PIEZO2: variants seen among roughly 807,000 people sequenced by gnomAD.
PIEZO2 encodes the protein piezo-type mechanosensitive ion channel component 2.
PIEZO2 carries 172 observed loss-of-function variants against 337.3 expected under a neutral mutation model. That is an observed-to-expected ratio of 0.51 (90% CI 0.45 to 0.58). The LOEUF is 0.58. Ranked by LOEUF, PIEZO2 falls within the 20% of genes least tolerant of loss-of-function variation. The pLI is 0.00. For synonymous variants in PIEZO2, 1,251 were observed against 1,228.5 expected (o/e 1.02, Z -0.38); for missense variants, 3,028 against 3,391.3 (o/e 0.89, Z 2.66).
chr18:11,006,056 C>T (rs1032852521), intron 2 of PIEZO2, among the ~76,000 whole-genome samples: 1 of 152,148 alleles, frequency 6.6e-6, no homozygotes, highest in African/African-American at 2.4e-5. Context: ...TCTTACATGC[C>T]TGTCTCTTTC....
chr18:11,076,435 A>G (rs1286751734), intron 1 of PIEZO2, among the ~76,000 whole-genome samples: 2 of 152,176 alleles, frequency 1.3e-5, no homozygotes, highest in Non-Finnish European at 2.9e-5. Context: ...AATCCAGTAA[A>G]ACCATCTTAT....
At chr18:10,786,232 T>C (rs1041744252) in intron 16 of PIEZO2, among the ~76,000 whole-genome samples, 4 of 152,360 alleles carry the variant, frequency 2.6e-5, no homozygotes, top group East Asian at 1.9e-4. Context: ...CAAAGTATAA[T>C]AGACTTATTT....
intron 3 of PIEZO2, among the ~76,000 whole-genome samples, chr18:10,972,059 G>A (rs1023336736): frequency 6.6e-6 from 1 of 151,790 alleles, no homozygotes; most frequent in Non-Finnish European, 1.5e-5. Flanking sequence ...TTGGGAGGCC[G>A]AGGTGGGTAG....
chr18:10,891,856 A>G (rs1257872926), intron 4 of PIEZO2, among the ~76,000 whole-genome samples: 3 of 152,234 alleles, frequency 2.0e-5, no homozygotes, highest in Non-Finnish European at 4.4e-5. Flanking sequence ...AATAAAATAA[A>G]TGAAAATATA....
At chr18:10,930,945 C>A (rs1434143302) in intron 3 of PIEZO2, among the ~76,000 whole-genome samples, 1 of 152,100 alleles carries the variant, frequency 6.6e-6, no homozygotes, top group Non-Finnish European at 1.5e-5. Flanking sequence ...CTTGGTTTTT[C>A]TAAGCCTTTT....
intron 3 of PIEZO2, among the ~76,000 whole-genome samples, chr18:10,972,289 T>TA (rs2034274676): frequency 6.6e-6 from 1 of 152,116 alleles, no homozygotes; most frequent in African/African-American, 2.4e-5. Context: ...CTCTTTCTTC[T>TA]AAAGTTCTAC....
intron 4 of PIEZO2, among the ~76,000 whole-genome samples, chr18:10,889,892 C>T (rs866669929): frequency 6.6e-6 from 1 of 152,198 alleles, no homozygotes; most frequent in South Asian, 2.1e-4. Context: ...TTTCCAGGGG[C>T]TCCCCATCGG....
chr18:10,933,894 G>T (rs576945558), intron 3 of PIEZO2, among the ~76,000 whole-genome samples: 7 of 152,192 alleles, frequency 4.6e-5, no homozygotes, highest in Non-Finnish European at 8.8e-5. Flanking sequence ...GCTCCCTCTT[G>T]CCTGCTGCCA....
rs1252625882 is a variant in PIEZO2, at chr18:10,672,657, C to CTT, written c.8345+31_8345+32dup. The CTT allele has an allele frequency of 1.9e-6, 3 of 1,596,962 alleles. No individual in the cohort carries two copies. Among genetic ancestry groups the CTT allele is most frequent in the Non-Finnish European group, 2.6e-6 (3 of 1,174,018 alleles). On this transcript the variant is annotated intron_variant, in intron 55 of 55. Transcript: ENST00000674853. The surrounding 1 kb of genome is among the most constrained non-coding windows in gnomAD (Gnocchi z 4.7). Reference sequence around the variant, plus strand: ...ACTTTACATGATACAGAAGTAGACTCTTGTAACTGTGAATTGTTCAATGAG... The same window carrying CTT: ...ACTTTACATGATACAGAAGTAGACTCTTTTGTAACTGTGAATTGTTCAATGAG...
chr18:10,735,133 G>C (rs1175371402), intron 35 of PIEZO2, among the ~76,000 whole-genome samples, 99 bp downstream of exon 35: 1 of 152,002 alleles, frequency 6.6e-6, no homozygotes, highest in African/African-American at 2.4e-5. Context: ...ACCATCTATA[G>C]AACCGAGAAA....
Position 10,778,323 on chromosome 18 carries a change from G to T in PIEZO2, c.2534+2002C>A, listed in dbSNP as rs541052427. 5.4e-5 allele frequency among the ~76,000 whole-genome samples: 8 copies of T among 148,508 alleles called. No homozygotes were observed. The South Asian group carries it at 1.7e-3, about 32-fold the overall frequency. Reference sequence around the variant, plus strand: ...TTGATAACGTTTCCTTTGAGGCACAGCTCTGGCTGCTCTTTTTTTTTTTTT... The same window carrying T: ...TTGATAACGTTTCCTTTGAGGCACATCTCTGGCTGCTCTTTTTTTTTTTTT... On this transcript the variant is annotated intron_variant, in intron 18 of 55. Coordinates refer to ENST00000674853, the MANE Select transcript of PIEZO2 (RefSeq NM_001378183.1).
In PIEZO2 at chr18:10,775,919, GA is replaced by G. The variant is rs11310497; in HGVS notation, c.2535-1882del. Among the ~76,000 whole-genome samples, 125,300 of 150,216 alleles carry G rather than the reference GA, an allele frequency of 0.83. 52,223 individuals are homozygous for G. The highest frequency in any genetic ancestry group is 0.93 in the East Asian group (4,760 of 5,122). On this transcript the variant is annotated intron_variant, in intron 18 of 55. Coordinates refer to ENST00000674853, the MANE Select transcript of PIEZO2 (RefSeq NM_001378183.1). This position sits in a 1 kb window ranked among gnomAD's most constrained non-coding sequence, Gnocchi z 4.3. ...GAGCTTGTAATGGATGACAAAAAAA[GA>G]AAAAAAAAAAGAAATTATGTATCAG...
chr18:10,899,604 C>T lies in PIEZO2; in HGVS notation c.329+11582G>A, dbSNP rs1441626386. Among the ~76,000 whole-genome samples the T allele has an allele frequency of 6.6e-6, 1 of 152,178 alleles. No individual in the cohort carries two copies. Among genetic ancestry groups the T allele is most frequent in the Non-Finnish European group, 1.5e-5 (1 of 68,038 alleles). ...GAACAAATAAGAAATATGAAGCCTT[C>T]TCTTGTAGCTGCCTATTAGCACAAT... On this transcript the variant is annotated intron_variant, in intron 4 of 55. Transcript: ENST00000674853. This position sits in a 1 kb window ranked among gnomAD's most constrained non-coding sequence, Gnocchi z 4.6.
At chr18:11,015,631 G>C (rs2036090521) in intron 2 of PIEZO2, among the ~76,000 whole-genome samples, 1 of 152,076 alleles carries the variant, frequency 6.6e-6, no homozygotes, top group Non-Finnish European at 1.5e-5. Context: ...AATCTAAAGG[G>C]GTGGGCCCCT....
intron 36 of PIEZO2, among the ~76,000 whole-genome samples, chr18:10,730,482 CTTTA>C (rs1388898956): frequency 6.6e-6 from 1 of 152,154 alleles, no homozygotes; most frequent in African/African-American, 2.4e-5. Flanking sequence ...GAATACTCAT[CTTTA>C]GTCTGATATA....
At position 10,855,628 on chromosome 18, in the gene PIEZO2, G is replaced by T; in HGVS notation, c.704-62C>A. ...ACTGGAAATTCACTTATCATTCAGT[G>T]AATGTGACTATTTGAAATTATGTGA... On this transcript the variant is annotated intron_variant, in intron 6 of 55. Transcript: ENST00000674853. This position sits in a 1 kb window ranked among gnomAD's most constrained non-coding sequence, Gnocchi z 4.9. 1 of 1,255,296 alleles carries T rather than the reference G, an allele frequency of 8.0e-7. No individual in the cohort carries two copies. The allele number at this position is 1,255,296 out of a possible 1,614,324, so 77.8% of individuals were successfully genotyped here.
intron 7 of PIEZO2, among the ~76,000 whole-genome samples, chr18:10,836,971 G>A (rs1449725576): frequency 2.0e-5 from 3 of 152,154 alleles, no homozygotes; most frequent in African/African-American, 4.8e-5. Flanking sequence ...TCAAAGGAAG[G>A]GGAAGGGCCA....
intron 2 of PIEZO2, among the ~76,000 whole-genome samples, chr18:11,026,828 A>G (rs2036557805): frequency 6.6e-6 from 1 of 152,198 alleles, no homozygotes; most frequent in Non-Finnish European, 1.5e-5. Flanking sequence ...GGATTAGAAC[A>G]TGGACCAGAT....
At chr18:10,735,816 G>A (rs938143758) in intron 34 of PIEZO2, among the ~76,000 whole-genome samples, 2 of 152,268 alleles carry the variant, frequency 1.3e-5, no homozygotes, top group East Asian at 1.9e-4. Flanking sequence ...AAAAACTGAC[G>A]AAGGCCTTAT....
Sources: gnomAD v4.1 joint callset for allele counts (sites outside exome capture counted in the v4.1 genomes callset) on GRCh38, gnomAD v4.1.1 for gene constraint, Gnocchi (gnomAD v3.1) non-coding constraint, MANE v1.5 for transcripts, NCBI Gene and HGNC (gene_info 2026-07-23, HGNC 2026-07-21) for gene names.